PLCH1: variants seen among roughly 807,000 people sequenced by gnomAD.
PLCH1 encodes the protein 1-phosphatidylinositol 4,5-bisphosphate phosphodiesterase eta-1.
Under a neutral mutation model 126.7 loss-of-function variants are expected in PLCH1, and 60 were observed. That is an observed-to-expected ratio of 0.47 (90% confidence interval 0.38 to 0.59). The LOEUF (loss-of-function observed/expected upper bound fraction) is 0.59. Among genes scored for constraint, PLCH1 ranks in the 20% least tolerant of loss-of-function variants. The pLI is 0.00. For missense variants in PLCH1, 1,723 were observed against 2,040.0 expected (o/e 0.84, Z 2.99); for synonymous variants, 719 against 734.9 (o/e 0.98, Z 0.35).
chr3:155,622,980 G>A lies in PLCH1; in HGVS notation c.80-26602C>T, dbSNP rs188816042. 4.6e-5 allele frequency among the ~76,000 whole-genome samples: 7 copies of A among 152,142 alleles called. No individual in the cohort carries two copies. In the East Asian group the frequency reaches 5.8e-4, roughly 13 times the overall value. ...TATATATTCTTCTCAGGAACACATC[G>A]CACTTATTCTAAAATTGACCATATA... On this transcript the variant is annotated intron_variant, in intron 2 of 22. Coordinates refer to ENST00000460012, the MANE Select transcript of PLCH1 (RefSeq NM_014996.4).
chr3:155,548,139 A>T (rs1725631009), intron 10 of PLCH1, among the ~76,000 whole-genome samples: 1 of 152,216 alleles, frequency 6.6e-6, no homozygotes, highest in Non-Finnish European at 1.5e-5. Flanking sequence ...ATTGGAACAT[A>T]TGTGTGTAAC....
At chr3:155,453,228 G>A (rs1197613931) in intron 21 of PLCH1, among the ~76,000 whole-genome samples, 2 of 152,166 alleles carry the variant, frequency 1.3e-5, no homozygotes, top group African/African-American at 2.4e-5. Context: ...CAGATGGAAG[G>A]AAATCAAGAA....
intron 1 of PLCH1, among the ~76,000 whole-genome samples, chr3:155,711,088 A>T (rs1331736892): frequency 1.3e-5 from 2 of 152,002 alleles, no homozygotes; most frequent in Non-Finnish European, 2.9e-5. Context: ...ACAGAACATA[A>T]ATGTGATTTG....
At chr3:155,628,529 T>A (rs1737630036) in intron 2 of PLCH1, among the ~76,000 whole-genome samples, 1 of 142,854 alleles carries the variant, frequency 7.0e-6, no homozygotes, top group Non-Finnish European at 1.5e-5. Flanking sequence ...GGTTTCCCCA[T>A]GCTTTGGATC....
intron 2 of PLCH1, among the ~76,000 whole-genome samples, chr3:155,690,463 G>A (rs781232572): frequency 6.6e-6 from 1 of 152,160 alleles, no homozygotes; most frequent in Non-Finnish European, 1.5e-5. Flanking sequence ...CCCTTAATCA[G>A]AGGGCTCCCC....
chr3:155,574,412 C>T (rs1729658586), intron 6 of PLCH1, among the ~76,000 whole-genome samples: 1 of 152,190 alleles, frequency 6.6e-6, no homozygotes, highest in African/African-American at 2.4e-5. Flanking sequence ...TCAGGGGCTT[C>T]CCCTGGGCAA....
intron 1 of PLCH1, among the ~76,000 whole-genome samples, chr3:155,731,353 A>G (rs1748758421): frequency 6.6e-6 from 1 of 152,172 alleles, no homozygotes; most frequent in Admixed American, 6.5e-5. Context: ...CAATTCCCAC[A>G]AACAACAAAC....
intron 2 of PLCH1, among the ~76,000 whole-genome samples, chr3:155,700,840 G>A (rs978723621): frequency 5.9e-5 from 9 of 152,158 alleles, no homozygotes; most frequent in African/African-American, 2.2e-4. Context: ...AAATCATGAA[G>A]GTATAAGCCA....
At position 155,579,894 on chromosome 3, in the gene PLCH1, T is replaced by TTCTCTCTC. The variant is rs772390671; in HGVS notation, c.771+3570_771+3577dup. Among the ~76,000 whole-genome samples the TTCTCTCTC allele has an allele frequency of 4.3e-3, 627 of 147,488 alleles. 1 individual carries two copies. Among genetic ancestry groups the TTCTCTCTC allele is most frequent in the Admixed American group, 7.2e-3 (106 of 14,772 alleles). ...TCTGTCTCTGTCTGTCTGTCTCTCT[T>TTCTCTCTC]TCTCTCTCTCTCTCTCTCACACACA... On this transcript the variant is annotated intron_variant, in intron 6 of 22. Coordinates refer to ENST00000460012, the MANE Select transcript of PLCH1 (RefSeq NM_014996.4).
intron 10 of PLCH1, among the ~76,000 whole-genome samples, chr3:155,530,300 GA>G (rs1375948318): frequency 6.6e-6 from 1 of 151,396 alleles, no homozygotes; most frequent in Non-Finnish European, 1.5e-5. Context: ...GTTTAATCAT[GA>G]GATTGCAGCA....
chr3:155,487,564 A>AT (rs1310646204), intron 21 of PLCH1, among the ~76,000 whole-genome samples: 5 of 152,166 alleles, frequency 3.3e-5, no homozygotes, highest in African/African-American at 9.7e-5. Flanking sequence ...CAATTTTTAG[A>AT]TTTTCAGTTA....
At chr3:155,614,255 T>C (rs1177367814) in intron 2 of PLCH1, among the ~76,000 whole-genome samples, 1 of 151,682 alleles carries the variant, frequency 6.6e-6, no homozygotes, top group African/African-American at 2.4e-5. Context: ...GCAATGCCCA[T>C]CAAAATACCA....
At chr3:155,706,008 T>C (rs781665499) in intron 1 of PLCH1, among the ~76,000 whole-genome samples, 1 of 148,702 alleles carries the variant, frequency 6.7e-6, no homozygotes, top group East Asian at 2.0e-4. Flanking sequence ...ATCCCATCTC[T>C]ACTAAAAATA....
intron 2 of PLCH1, among the ~76,000 whole-genome samples, chr3:155,602,191 G>C (rs1733832583): frequency 6.6e-6 from 1 of 152,178 alleles, no homozygotes; most frequent in Non-Finnish European, 1.5e-5. Flanking sequence ...TAACTTCCAG[G>C]AGGTTTCAAT....
At chr3:155,469,385 C>T (rs1388433514) in intron 21 of PLCH1, among the ~76,000 whole-genome samples, 2 of 151,656 alleles carry the variant, frequency 1.3e-5, no homozygotes, top group Non-Finnish European at 1.5e-5. Context: ...AAAAACGGTG[C>T]ACCACGAGAT....
Position 155,482,458 on chromosome 3 carries a change from C to A in PLCH1, c.3568G>T (p.Ala1190Ser). The A allele has an allele frequency of 6.2e-7, 1 of 1,614,134 alleles. No homozygotes were observed. The highest frequency in any genetic ancestry group is 8.5e-7 in the Non-Finnish European group (1 of 1,180,026). ...GTCTCATCAAACTGGCCAATCAGGG[C>A]TGAGATGGAACTGCCCGGCTCATTC... ...NENEPGSSIS[A>S]LIGQFDETNN... The change falls in exon 23 of 23, where the codon GCC (alanine) becomes TCC (serine). Residue 1190 changes from alanine to serine, a missense_variant. By Grantham distance (99) the Ala-to-Ser change is moderately conservative. This residue lies in a region of PLCH1 where 947 missense variants were observed against 977.1 expected (regional missense o/e 0.97). Transcript: ENST00000460012.
chr3:155,683,319 T>A (rs774582657), intron 2 of PLCH1, among the ~76,000 whole-genome samples: 3 of 152,190 alleles, frequency 2.0e-5, no homozygotes, highest in Non-Finnish European at 2.9e-5. Context: ...ATTTTATAGG[T>A]TAGCATAAAA....
chr3:155,704,753 G>A (rs940173292), intron 1 of PLCH1, among the ~76,000 whole-genome samples: 6 of 152,164 alleles, frequency 3.9e-5, no homozygotes, highest in Non-Finnish European at 8.8e-5. Flanking sequence ...AATAAAATGT[G>A]CCTCCCTCTT....
At chr3:155,486,427 G>A (rs1715108986) in intron 21 of PLCH1, among the ~76,000 whole-genome samples, 1 of 151,368 alleles carries the variant, frequency 6.6e-6, no homozygotes, top group Non-Finnish European at 1.5e-5. Context: ...TAAAGAGTAT[G>A]ACTCATAAAT....
Sources: gnomAD v4.1 joint callset for allele counts (sites outside exome capture counted in the v4.1 genomes callset) on GRCh38, gnomAD v4.1.1 for gene constraint, gnomAD v4.1.1 regional missense constraint, MANE v1.5 for transcripts, NCBI Gene and HGNC (gene_info 2026-07-23, HGNC 2026-07-21) for gene names.